The following ETV6 variants were observed in gnomAD, a reference collection of about 807,000 sequenced individuals.
ETV6 encodes transcription factor ETV6.
ETV6 carries 16 observed loss-of-function variants against 51.1 expected under a neutral mutation model. That is an observed-to-expected ratio of 0.31 (90% CI 0.21 to 0.48). The LOEUF (loss-of-function observed/expected upper bound fraction) is 0.48. Ranked by LOEUF, ETV6 falls within the 20% of genes least tolerant of loss-of-function variation. The pLI is 0.99. For missense variants in ETV6, 458 were observed against 594.8 expected (o/e 0.77, Z 2.39); for synonymous variants, 240 against 224.1 (o/e 1.07, Z -0.64).
chr12:11,858,801 C>G (rs1030666045), intron 4 of ETV6, among the ~76,000 whole-genome samples: 1 of 150,766 alleles, frequency 6.6e-6, no homozygotes, highest in African/African-American at 2.4e-5. Flanking sequence ...AGCTCTTTAT[C>G]ACAAGGTAAA....
At chr12:11,782,169 C>T (rs999905292) in intron 2 of ETV6, among the ~76,000 whole-genome samples, 8 of 152,216 alleles carry the variant, frequency 5.3e-5, no homozygotes, top group African/African-American at 9.7e-5. Flanking sequence ...GCTTGGCTCT[C>T]TGTAAAATCT....
rs948843838 is a variant in ETV6 at position 11,731,545 on chromosome 12, A to AT, written c.34-20897dup. The stretch of plus-strand genomic sequence containing the variant: ...TCTTAAGAAGAGAAGAGAAAGAATA[A>AT]TTTTTTTTCTTCTGTCTTATTGGCC... On this transcript the variant is annotated intron_variant, in intron 1 of 7. Transcript: ENST00000396373. Among the ~76,000 whole-genome samples, 1,325 of 151,646 alleles carry AT rather than the reference A, an allele frequency of 8.7e-3. 14 individuals are homozygous for AT. The highest frequency in any genetic ancestry group is 0.029 in the African/African-American group (1,188 of 41,478).
At chr12:11,730,697 G>A (rs1261019166) in intron 1 of ETV6, among the ~76,000 whole-genome samples, 1 of 152,178 alleles carries the variant, frequency 6.6e-6, no homozygotes, top group Non-Finnish European at 1.5e-5. Context: ...GAATGTGGGC[G>A]GACTTCTGAG....
chr12:11,779,958 T>G (rs1945388351), intron 2 of ETV6, among the ~76,000 whole-genome samples: 1 of 152,246 alleles, frequency 6.6e-6, no homozygotes, highest in Admixed American at 6.5e-5. Flanking sequence ...TTTATGCAAT[T>G]ACAAATAGAT....
At chr12:11,775,364 G>A (rs1945306027) in intron 2 of ETV6, among the ~76,000 whole-genome samples, 1 of 152,170 alleles carries the variant, frequency 6.6e-6, no homozygotes, top group African/African-American at 2.4e-5. Flanking sequence ...CACAACAAAC[G>A]TTTACCAGTC....
At chr12:11,858,786 G>A (rs1333901721) in intron 4 of ETV6, among the ~76,000 whole-genome samples, 1 of 152,012 alleles carries the variant, frequency 6.6e-6, no homozygotes, top group Non-Finnish European at 1.5e-5. Context: ...GTTCTGCTCT[G>A]GGACAGCTCT....
intron 5 of ETV6, among the ~76,000 whole-genome samples, chr12:11,878,904 A>G (rs1168990901): frequency 6.6e-6 from 1 of 150,664 alleles, no homozygotes; most frequent in Non-Finnish European, 1.5e-5. Flanking sequence ...GTTTCTCAAC[A>G]CTCTCGATAT....
chr12:11,749,051 T>G (rs1865961976), intron 1 of ETV6, among the ~76,000 whole-genome samples: 1 of 152,212 alleles, frequency 6.6e-6, no homozygotes. Flanking sequence ...GCTTCCCTTT[T>G]GTTCAGCTGG....
intron 1 of ETV6, among the ~76,000 whole-genome samples, chr12:11,708,165 A>G (rs759557697): frequency 6.6e-6 from 1 of 151,860 alleles, no homozygotes; most frequent in Non-Finnish European, 1.5e-5. Flanking sequence ...TCCAGCCTTG[A>G]TCTCTTTAAC....
At chr12:11,736,737 G>C (rs1464391698) in intron 1 of ETV6, among the ~76,000 whole-genome samples, 1 of 152,198 alleles carries the variant, frequency 6.6e-6, no homozygotes, top group Non-Finnish European at 1.5e-5. Context: ...CTACTGGAGA[G>C]GAGATGGGGC....
intron 1 of ETV6, 45 bp from the exon 2 acceptor site, chr12:11,752,405 A>C: frequency 1.3e-6 from 2 of 1,578,126 alleles, no homozygotes; most frequent in Non-Finnish European, 1.7e-6. Context: ...CCAAGCTTTC[A>C]TTGTCTCTCT....
rs143660814 is a variant in ETV6 at position 11,703,427 on chromosome 12, T to G, written c.34-49023T>G. On this transcript the variant is annotated intron_variant, in intron 1 of 7. Coordinates refer to ENST00000396373, the MANE Select transcript of ETV6 (RefSeq NM_001987.5). Reference sequence around the variant, plus strand: ...GAACATGGGTTTTCAAAGGAAAGGTTAGAGAAATTTGGGGATTAAAATGGA... The same window carrying G: ...GAACATGGGTTTTCAAAGGAAAGGTGAGAGAAATTTGGGGATTAAAATGGA... Among the ~76,000 whole-genome samples the G allele has an allele frequency of 2.0e-5, 3 of 152,090 alleles. No homozygotes were observed. In the East Asian group the frequency reaches 5.8e-4, roughly 29 times the overall value.
intron 2 of ETV6, among the ~76,000 whole-genome samples, chr12:11,826,708 G>A (rs564591056): frequency 1.8e-4 from 27 of 152,258 alleles, no homozygotes; most frequent in Middle Eastern, 3.4e-3. Flanking sequence ...AATCCCAGGT[G>A]GGGTGACAGA....
At chr12:11,735,850 T>C (rs931353497) in intron 1 of ETV6, among the ~76,000 whole-genome samples, 2 of 152,238 alleles carry the variant, frequency 1.3e-5, no homozygotes, top group East Asian at 3.8e-4. Context: ...TCCACCCGCC[T>C]TGGCCTCCCA....
At chr12:11,767,694 A>G (rs973099233) in intron 2 of ETV6, among the ~76,000 whole-genome samples, 10 of 152,254 alleles carry the variant, frequency 6.6e-5, no homozygotes, top group African/African-American at 1.9e-4. Flanking sequence ...CTAACATTGT[A>G]TAATCAGTTT....
At chr12:11,676,958 C>T (rs996967085) in intron 1 of ETV6, among the ~76,000 whole-genome samples, 2 of 152,224 alleles carry the variant, frequency 1.3e-5, no homozygotes, top group Non-Finnish European at 2.9e-5. Flanking sequence ...GCAATATTGT[C>T]AGACATCGCC....
At chr12:11,821,633 T>C (rs534495458) in intron 2 of ETV6, among the ~76,000 whole-genome samples, 25 of 151,758 alleles carry the variant, frequency 1.6e-4, no homozygotes, top group African/African-American at 6.0e-4. Context: ...GGCTAGAGTT[T>C]GAGACCAGCC....
At chr12:11,880,032 TAAAAAAAAAA>T (rs59152213) in intron 5 of ETV6, among the ~76,000 whole-genome samples, 47 of 117,870 alleles carry the variant, frequency 4.0e-4, no homozygotes, top group South Asian at 1.4e-3. Context: ...GTCAATTGTT[TAAAAAAAAAA>T]AAAAAAAAAG....
chr12:11,751,507 A>T, intron 1 of ETV6: 1 of 510,768 alleles, frequency 2.0e-6, no homozygotes. Context: ...TAAGCTACAA[A>T]TTGCACTGCT....
Sources: allele counts gnomAD v4.1 joint callset (sites outside exome capture counted in the v4.1 genomes callset), GRCh38; gene constraint gnomAD v4.1.1; transcripts MANE v1.5; gene names NCBI Gene and HGNC (gene_info 2026-07-23, HGNC 2026-07-21).